Variants in SMARCAD1 observed in about 807,000 individuals in gnomAD.
SMARCAD1 encodes SWI/SNF-related matrix-associated actin-dependent regulator of chromatin subfamily A containing DEAD/H box 1.
Under a neutral mutation model 127.1 loss-of-function variants are expected in SMARCAD1, and 25 were observed. That is an observed-to-expected ratio of 0.20 (90% confidence interval 0.14 to 0.27). SMARCAD1 has a LOEUF of 0.27. SMARCAD1 is among the 10% of genes least tolerant of loss of function. The probability of loss-of-function intolerance (pLI) is 1.00; values close to 1 mark genes in which losing one functional copy is unlikely to be tolerated. For synonymous variants in SMARCAD1, 400 were observed against 396.9 expected (o/e 1.01, Z -0.09); for missense variants, 807 against 1,206.0 (o/e 0.67, Z 4.90).
rs752578188 is a variant in SMARCAD1, at chr4:94,264,678, AT to A, written c.1282-27del. The A allele has an allele frequency of 8.9e-6, 14 of 1,581,908 alleles. No homozygotes were observed. In the African/African-American group the frequency reaches 1.9e-4, roughly 21 times the overall value. The stretch of plus-strand genomic sequence containing the variant: ...CCTTTCTCTTTCCTAGATCTGAACT[AT>A]TCAATTATTTTTCTTTTTATGCTAT... On this transcript the variant is annotated intron_variant, in intron 9 of 23. Transcript: ENST00000354268.
intron 3 of SMARCAD1, among the ~76,000 whole-genome samples, chr4:94,227,300 T>C (rs1735677054): frequency 6.6e-6 from 1 of 152,180 alleles, no homozygotes; most frequent in African/African-American, 2.4e-5. Flanking sequence ...ATAGGCTGTT[T>C]GGTTTTTATT....
At chr4:94,283,992 G>T (rs1334742704) in intron 22 of SMARCAD1, among the ~76,000 whole-genome samples, 2 of 151,630 alleles carry the variant, frequency 1.3e-5, no homozygotes, top group African/African-American at 4.8e-5. Flanking sequence ...TATTTTAGAT[G>T]AATGGTACAT....
In SMARCAD1 at chr4:94,233,978, G is replaced by C. The variant is rs759081519; in HGVS notation, c.393G>C (p.Glu131Asp). 6 of 1,613,764 alleles carry C rather than the reference G, an allele frequency of 3.7e-6. No homozygotes were observed. The Admixed American group carries it at 1.0e-4, about 27-fold the overall frequency. The change falls in exon 4 of 24, where the codon GAG becomes GAC. Residue 131 changes from glutamate (E) to aspartate (D), a missense_variant. By Grantham distance (45) the Glu-to-Asp change is conservative. This residue lies in a region of SMARCAD1 where 175 missense variants were observed against 169.5 expected (regional missense o/e 1.03). Coordinates refer to ENST00000354268, the MANE Select transcript of SMARCAD1 (RefSeq NM_020159.5). ...GTTCTGAGCCATCTGAAGATGAAGA[G>C]TCCCAAGGCCTTCCTACCATGGCAC... Reference protein sequence around the residue: ...IIVSEPSEDEESQGLPTMARR... With the variant: ...IIVSEPSEDEDSQGLPTMARR...
intron 4 of SMARCAD1, among the ~76,000 whole-genome samples, chr4:94,234,877 G>T (rs1746392143): frequency 1.3e-5 from 2 of 152,250 alleles, no homozygotes; most frequent in South Asian, 2.1e-4. Flanking sequence ...GACTAGGCAG[G>T]TAACTTTGAA....
intron 9 of SMARCAD1, chr4:94,253,433 G>T: frequency 8.4e-7 from 1 of 1,196,194 alleles, no homozygotes; most frequent in East Asian, 5.9e-5. Context: ...ACGGCCAGGG[G>T]AGCTCCATGA....
At chr4:94,276,250 TAA>T in intron 14 of SMARCAD1, 87 bp from the exon 15 acceptor site, 2 of 1,439,816 alleles carry the variant, frequency 1.4e-6, no homozygotes, top group Non-Finnish European at 1.9e-6. Context: ...AATGTGTAAA[TAA>T]AAAATGATTT....
intron 2 of SMARCAD1, among the ~76,000 whole-genome samples, chr4:94,224,143 C>T (rs553937734): frequency 1.1e-4 from 16 of 152,186 alleles, no homozygotes; most frequent in Middle Eastern, 3.4e-3. Context: ...TGGCAATTAA[C>T]ATGGATGTGA....
chr4:94,279,783 T>C (rs1753763443), intron 19 of SMARCAD1, among the ~76,000 whole-genome samples: 1 of 152,256 alleles, frequency 6.6e-6, no homozygotes, highest in Admixed American at 6.5e-5. Context: ...TTACTCTTTA[T>C]TTTTGCCTCT....
Position 94,238,900 on chromosome 4 carries a change from T to C in SMARCAD1, c.604+1882T>C, listed in dbSNP as rs530178768. ...TGCTTTTACTAGGTAGCACAGGCTG[T>C]GGCTTAGGTACTGAGGTTACATGAG... On this transcript the variant is annotated intron_variant, in intron 5 of 23. Transcript: ENST00000354268. Among the ~76,000 whole-genome samples, 4 of 148,472 alleles carry C rather than the reference T, an allele frequency of 2.7e-5. No homozygotes were observed. The South Asian group carries it at 8.8e-4, about 33-fold the overall frequency.
chr4:94,211,906 A>G (rs1742329118), intron 2 of SMARCAD1, among the ~76,000 whole-genome samples: 1 of 65,122 alleles, frequency 1.5e-5, no homozygotes. Context: ...CCCCAGCTTT[A>G]CTGTTATTTT....
At chr4:94,226,371 A>C in intron 3 of SMARCAD1, 75 bp downstream of exon 3, 1 of 1,186,210 alleles carries the variant, frequency 8.4e-7, no homozygotes. Flanking sequence ...CTAATTTGAG[A>C]TATTTTGGTG....
chr4:94,227,621 T>G (rs1411035190), intron 3 of SMARCAD1, among the ~76,000 whole-genome samples: 1 of 152,150 alleles, frequency 6.6e-6, no homozygotes, highest in African/African-American at 2.4e-5. Flanking sequence ...ACTGGAAGGA[T>G]GGAGTTACTA....
At chr4:94,271,337 C>G (rs988863750) in intron 11 of SMARCAD1, among the ~76,000 whole-genome samples, 1 of 152,284 alleles carries the variant, frequency 6.6e-6, no homozygotes, top group Admixed American at 6.5e-5. Flanking sequence ...TGTTCTTTCT[C>G]AAATCACATT....
chr4:94,283,969 T>G (rs1412956792), intron 22 of SMARCAD1, among the ~76,000 whole-genome samples: 1 of 151,786 alleles, frequency 6.6e-6, no homozygotes, highest in South Asian at 2.1e-4. Flanking sequence ...AGGAAGTAAA[T>G]TGAGTTGTAA....
At chr4:94,216,017 C>T (rs1359774102) in intron 2 of SMARCAD1, among the ~76,000 whole-genome samples, 1 of 152,128 alleles carries the variant, frequency 6.6e-6, no homozygotes, top group Admixed American at 6.6e-5. Context: ...CAATAGAAAT[C>T]TACTCTTGGC....
rs752567514 is a variant in SMARCAD1 at position 94,208,422 on chromosome 4, C to G, written c.28C>G (p.Arg10Gly). MNLFNLDRF[R>G]FEKRNKIEEA... ...GAATCTTTTCAACCTGGACCGTTTT[C>G]GCTTTGAGAAAAGGAATAAGATTGA... Residue 10 changes from arginine to glycine, a missense_variant, in exon 2 of 24, where the codon CGC becomes GGC. By Grantham distance (125) the Arg-to-Gly change is moderately radical (BLOSUM62 -2). Transcript: ENST00000354268. 1 of 1,613,940 alleles carries G rather than the reference C, an allele frequency of 6.2e-7. No homozygotes were observed.
chr4:94,275,909 T>A (rs1753229352), intron 14 of SMARCAD1, among the ~76,000 whole-genome samples: 1 of 151,050 alleles, frequency 6.6e-6, no homozygotes. Flanking sequence ...GCCATTCTCC[T>A]GCCTCAGCCT....
intron 3 of SMARCAD1, among the ~76,000 whole-genome samples, chr4:94,232,457 A>G (rs1745987958): frequency 6.6e-6 from 1 of 152,208 alleles, no homozygotes; most frequent in South Asian, 2.1e-4. Context: ...GGAGCAGGGA[A>G]TATAGAGAGG....
chr4:94,228,240 T>C (rs952615892), intron 3 of SMARCAD1, among the ~76,000 whole-genome samples: 1 of 152,074 alleles, frequency 6.6e-6, no homozygotes, highest in Admixed American at 6.5e-5. Flanking sequence ...TTTGGAAAAA[T>C]TGTAGAAAAG....
Sources: gnomAD v4.1 joint callset for allele counts (sites outside exome capture counted in the v4.1 genomes callset) on GRCh38, gnomAD v4.1.1 for gene constraint, gnomAD v4.1.1 regional missense constraint, MANE v1.5 for transcripts, NCBI Gene and HGNC (gene_info 2026-07-23, HGNC 2026-07-21) for gene names.